Variants in ESR1 observed in about 807,000 individuals in gnomAD.
ESR1 encodes the protein estrogen receptor.
ESR1 carries 12 observed loss-of-function variants against 52.7 expected under a neutral mutation model. That is an observed-to-expected ratio of 0.23 (90% CI 0.15 to 0.37). The LOEUF (loss-of-function observed/expected upper bound fraction) is 0.37, where lower values mean the gene tolerates loss of function less well. Ranked by LOEUF, ESR1 falls within the 10% of genes least tolerant of loss-of-function variation. The probability of loss-of-function intolerance (pLI) is 1.00; values close to 1 mark genes in which losing one functional copy is unlikely to be tolerated. For missense variants in ESR1, 584 were observed against 779.7 expected, an observed-to-expected ratio of 0.75 and a Z score of 2.99; for synonymous variants, 305 against 316.8, an observed-to-expected ratio of 0.96 and a Z score of 0.39.
intron 1 of ESR1, among the ~76,000 whole-genome samples, chr6:151,677,100 C>CT (rs1425964192): frequency 1.3e-5 from 2 of 152,188 alleles, no homozygotes; most frequent in Admixed American, 1.3e-4. Flanking sequence ...ATCCTCCTGC[C>CT]TCAGCCTCTC....
intron 3 of ESR1, among the ~76,000 whole-genome samples, chr6:151,914,961 C>A (rs140721004): frequency 6.6e-5 from 10 of 152,192 alleles, no homozygotes; most frequent in East Asian, 1.9e-4. Flanking sequence ...CCTATACCAA[C>A]GGAAATTTTG....
At chr6:152,077,364 C>T (rs1238022018) in intron 6 of ESR1, among the ~76,000 whole-genome samples, 2 of 152,136 alleles carry the variant, frequency 1.3e-5, no homozygotes, top group Non-Finnish European at 2.9e-5. Flanking sequence ...CAAACATTTG[C>T]TGCAGAGGTG....
Position 151,679,650 on chromosome 6 carries a change from C to T in ESR1, n.74-22225C>T, listed in dbSNP as rs1031380268. On this transcript the variant is annotated intron_variant and non_coding_transcript_variant, in intron 1 of 2. Coordinates refer to the ESR1 transcript ENST00000473497. ...CTTAGCTTTGAAAGTAAAAGCCAAC[C>T]CCTTTTGGCTGGCCCATGAGGCCCC... is the stretch of plus-strand genomic sequence containing the variant. Among the ~76,000 whole-genome samples the T allele has an allele frequency of 3.3e-5, 5 of 152,306 alleles. No homozygotes were observed. In the Middle Eastern group the frequency reaches 0.01, roughly 311 times the overall value.
chr6:151,900,566 G>A (rs1463940518), intron 3 of ESR1, among the ~76,000 whole-genome samples: 1 of 152,144 alleles, frequency 6.6e-6, no homozygotes, highest in Non-Finnish European at 1.5e-5. Context: ...TTCTCATTTG[G>A]TAGGCTATGT....
At chr6:152,071,579 A>G (rs943429229) in intron 6 of ESR1, among the ~76,000 whole-genome samples, 1 of 152,298 alleles carries the variant, frequency 6.6e-6, no homozygotes, top group Admixed American at 6.5e-5. Flanking sequence ...AACAATACCT[A>G]CTTAAACTAA....
intron 3 of ESR1, among the ~76,000 whole-genome samples, chr6:151,892,011 A>G (rs1794765636): frequency 6.6e-6 from 1 of 152,156 alleles, no homozygotes; most frequent in Non-Finnish European, 1.5e-5. Context: ...AGATAATTCT[A>G]TTTTTGAAAG....
At chr6:151,926,238 C>A (rs893275795) in intron 3 of ESR1, among the ~76,000 whole-genome samples, 15 of 152,134 alleles carry the variant, frequency 9.9e-5, no homozygotes, top group African/African-American at 3.4e-4. Flanking sequence ...ATTACTGTAG[C>A]CTTTATGGTA....
chr6:151,741,981 C>A (rs1010978064), intron 2 of ESR1, among the ~76,000 whole-genome samples: 4 of 152,068 alleles, frequency 2.6e-5, no homozygotes, highest in Non-Finnish European at 5.9e-5. Context: ...GTTCTATTTC[C>A]GTATATTTGA....
intron 2 of ESR1, among the ~76,000 whole-genome samples, chr6:151,745,824 C>T (rs1461959002): frequency 6.6e-6 from 1 of 152,138 alleles, no homozygotes; most frequent in Non-Finnish European, 1.5e-5. Flanking sequence ...GTATATTCAA[C>T]AGATCTCCAG....
chr6:151,944,574 G>A (rs556136197), intron 4 of ESR1, 66 bp downstream of exon 4: 3 of 1,398,616 alleles, frequency 2.1e-6, no homozygotes, highest in East Asian at 4.6e-5. Context: ...GATGTCATGG[G>A]AGAAATAGTG....
chr6:151,723,166 T>A (rs1781581584), intron 2 of ESR1, among the ~76,000 whole-genome samples: 1 of 151,942 alleles, frequency 6.6e-6, no homozygotes, highest in Non-Finnish European at 1.5e-5. Context: ...GAGCTATTAA[T>A]CAATAGTGTG....
At chr6:151,924,307 C>G (rs139257226) in intron 3 of ESR1, among the ~76,000 whole-genome samples, 25 of 152,314 alleles carry the variant, frequency 1.6e-4, no homozygotes, top group African/African-American at 5.5e-4. Flanking sequence ...TCCCAAAGTG[C>G]TGGGATTACA....
chr6:151,968,403 A>G (rs1192709855), intron 4 of ESR1, among the ~76,000 whole-genome samples: 3 of 152,202 alleles, frequency 2.0e-5, no homozygotes, highest in African/African-American at 7.2e-5. Flanking sequence ...AATGGCAACA[A>G]AAGTCAAAAT....
chr6:151,798,669 C>A (rs1314784336), intron 2 of ESR1, among the ~76,000 whole-genome samples: 1 of 152,188 alleles, frequency 6.6e-6, no homozygotes, highest in Non-Finnish European at 1.5e-5. Context: ...GCTTCAATAT[C>A]TTTCAAATTA....
intron 1 of ESR1, among the ~76,000 whole-genome samples, chr6:151,679,945 ACCCTTGTACTC>A (rs1332651189): frequency 6.6e-6 from 1 of 151,790 alleles, no homozygotes; most frequent in Non-Finnish European, 1.5e-5. Context: ...TCCAGTCCCT[ACCCTTGTACTC>A]CCCATCTCTA....
intron 6 of ESR1, chr6:152,112,934 TCTTCATGGATGGATGTCACGAACG>T (rs1343999064): frequency 1.3e-5 from 2 of 152,094 alleles, no homozygotes; most frequent in Admixed American, 6.5e-5. Context: ...AAGAGAGAAT[TCTTCATGGATGGATGTCACGAACG>T]TGTTTTCAGG....
intron 2 of ESR1, among the ~76,000 whole-genome samples, chr6:151,870,860 T>TCTTC (rs1471505025): frequency 6.7e-6 from 1 of 148,212 alleles, no homozygotes; most frequent in African/African-American, 2.5e-5. Context: ...TTCTTCTTCT[T>TCTTC]TTTTTTTTTA....
chr6:151,992,452 A>C (rs1029885502), intron 4 of ESR1, among the ~76,000 whole-genome samples: 1 of 152,186 alleles, frequency 6.6e-6, no homozygotes, highest in African/African-American at 2.4e-5. Flanking sequence ...TAATGTTTTC[A>C]AGGTTCTTTT....
At chr6:151,761,307 C>T (rs1166776367) in intron 2 of ESR1, among the ~76,000 whole-genome samples, 1 of 151,822 alleles carries the variant, frequency 6.6e-6, no homozygotes, top group African/African-American at 2.4e-5. Context: ...AATAATCATT[C>T]TCATGGAATA....
Sources: allele counts gnomAD v4.1 joint callset (sites outside exome capture counted in the v4.1 genomes callset), GRCh38; gene constraint gnomAD v4.1.1; transcripts MANE v1.5; gene names NCBI Gene and HGNC (gene_info 2026-07-23, HGNC 2026-07-21).